The following PCDHGA5 variants were observed in gnomAD, a reference collection of about 807,000 sequenced individuals.
The protein encoded by PCDHGA5 is protocadherin gamma subfamily A, 5, also known as protocadherin gamma-A5.
Under a neutral mutation model 56.7 loss-of-function variants are expected in PCDHGA5, and 36 were observed. The ratio of observed to expected loss-of-function variants is 0.64; its 90% CI spans 0.49 to 0.84. The LOEUF (loss-of-function observed/expected upper bound fraction) is 0.84, where lower values mean the gene tolerates loss of function less well. Among genes scored for constraint, PCDHGA5 ranks in the 40% least tolerant of loss-of-function variants. The pLI is 0.00. For synonymous variants in PCDHGA5, 563 were observed against 520.2 expected, an observed-to-expected ratio of 1.08 and a Z score of -1.12; for missense variants, 1,305 against 1,201.5, an observed-to-expected ratio of 1.09 and a Z score of -1.27.
chr5:141,397,245 G>A (rs2093494919), intron 1 of PCDHGA5, among the ~76,000 whole-genome samples: 1 of 152,148 alleles, frequency 6.6e-6, no homozygotes, highest in African/African-American at 2.4e-5. Flanking sequence ...CAACGTAGTA[G>A]GGTATATCAT....
chr5:141,374,327 G>T (rs766746841), intron 1 of PCDHGA5: 3 of 1,613,866 alleles, frequency 1.9e-6, no homozygotes, highest in Non-Finnish European at 2.5e-6. Context: ...TCCGCGAAAC[G>T]GCAGCTTGGT....
At position 141,490,207 on chromosome 5, in the gene PCDHGA5, C is replaced by T. The variant is rs142098675; in HGVS notation, c.2422-4600C>T. On this transcript the variant is annotated intron_variant, in intron 1 of 3. Transcript: ENST00000518069. This position sits in a 1 kb window ranked among gnomAD's most constrained non-coding sequence, Gnocchi z 5.4. ...TTTCTATGAAATTCATGCAAGAGCC[C>T]GTGACCAGGGACAGCCTGCCATGGA... 41 of 1,614,056 alleles carry T rather than the reference C, an allele frequency of 2.5e-5. No homozygotes were observed. The highest frequency in any genetic ancestry group is 3.3e-4 in the Middle Eastern group (2 of 6,084).
intron 1 of PCDHGA5, among the ~76,000 whole-genome samples, chr5:141,430,101 G>C (rs918427744): frequency 6.6e-6 from 1 of 152,036 alleles, no homozygotes; most frequent in African/African-American, 2.4e-5. Context: ...ATTTTTAAGC[G>C]TTACATGTCA....
chr5:141,472,068 G>C (rs1050927364), intron 1 of PCDHGA5, among the ~76,000 whole-genome samples: 7 of 151,974 alleles, frequency 4.6e-5, no homozygotes, highest in Non-Finnish European at 8.8e-5. Context: ...CATGTCTGTG[G>C]TTATATCAAT....
chr5:141,495,032 G>T, intron 2 of PCDHGA5, 167 bp downstream of exon 2: 1 of 967,732 alleles, frequency 1.0e-6, no homozygotes, highest in Non-Finnish European at 1.2e-6. Flanking sequence ...GACCCCGGAA[G>T]GAAGAGGCGA....
At chr5:141,415,810 T>TATATATC in intron 1 of PCDHGA5, 1 of 1,360,418 alleles carries the variant, frequency 7.4e-7, no homozygotes, top group Non-Finnish European at 9.5e-7. Flanking sequence ...AATCAAGGCC[T>TATATATC]ATATATCATA....
At chr5:141,510,910 A>T (rs780792326) in intron 3 of PCDHGA5, 37 bp from the exon 4 acceptor site, 1 of 1,613,740 alleles carries the variant, frequency 6.2e-7, no homozygotes, top group East Asian at 2.2e-5. Flanking sequence ...GAGGACCCTA[A>T]GTTTAGCTCC....
chr5:141,364,487 G>T lies in PCDHGA5; in HGVS notation c.157G>T (p.Gly53Trp). ...SFVGNIAKDL[G>W]LEPQELAERG... ...CGTCGGCAACATAGCCAAGGACCTT[G>T]GGCTGGAGCCCCAGGAGCTGGCGGA... The change falls in exon 1 of 4, where the codon GGG becomes TGG. Residue 53 changes from glycine to tryptophan, a missense_variant. Coordinates refer to ENST00000518069, the MANE Select transcript of PCDHGA5 (RefSeq NM_018918.3). 6.2e-7 allele frequency: 1 copy of T among 1,614,032 alleles called. No homozygotes were observed. Among genetic ancestry groups the T allele is most frequent in the Non-Finnish European group, 8.5e-7 (1 of 1,179,906 alleles).
chr5:141,392,929 C>T (rs1474626800), intron 1 of PCDHGA5: 6 of 1,613,770 alleles, frequency 3.7e-6, no homozygotes, highest in Non-Finnish European at 5.1e-6. Flanking sequence ...CCAGAAGAGA[C>T]GGACAAAGGC....
chr5:141,423,551 A>T, intron 1 of PCDHGA5: 2 of 1,613,616 alleles, frequency 1.2e-6, no homozygotes, highest in Non-Finnish European at 1.7e-6. Context: ...CCCCAGCCCA[A>T]CTATGGGGAC....
intron 1 of PCDHGA5, among the ~76,000 whole-genome samples, chr5:141,467,109 A>G (rs1431550069): frequency 2.0e-5 from 3 of 150,594 alleles, no homozygotes; most frequent in African/African-American, 4.9e-5. Context: ...CTGGAGTACA[A>G]TGGTGCAATC....
chr5:141,407,807 T>C (rs916388568), intron 1 of PCDHGA5, among the ~76,000 whole-genome samples: 1 of 152,202 alleles, frequency 6.6e-6, no homozygotes, highest in African/African-American at 2.4e-5. Flanking sequence ...CATAGAAATA[T>C]CTACTATAAT....
At chr5:141,395,207 T>C (rs1589256269) in intron 1 of PCDHGA5, 6 of 1,613,702 alleles carry the variant, frequency 3.7e-6, no homozygotes, top group Non-Finnish European at 5.1e-6. Context: ...TAGATTTTCA[T>C]GAATATAAGA....
intron 1 of PCDHGA5, among the ~76,000 whole-genome samples, chr5:141,435,099 TA>T (rs892317840): frequency 2.0e-5 from 3 of 152,260 alleles, no homozygotes; most frequent in African/African-American, 7.2e-5. Context: ...TCTGTTTATC[TA>T]GGGGGGAGAA....
At chr5:141,502,134 C>T (rs566073996) in intron 2 of PCDHGA5, among the ~76,000 whole-genome samples, 10 of 152,288 alleles carry the variant, frequency 6.6e-5, no homozygotes, top group African/African-American at 2.2e-4. Flanking sequence ...AGAGCTCAGT[C>T]GGGCCGGAAG....
rs2092149511 is a variant in PCDHGA5 at position 141,390,449 on chromosome 5, G to A, written c.2421+23698G>A. The A allele has an allele frequency of 4.8e-6, 4 of 829,790 alleles. No individual in the cohort carries two copies. In the Admixed American group the frequency reaches 8.7e-5, roughly 18 times the overall value. 51.4% of individuals were successfully genotyped at this position (829,790 alleles called of 1,614,324 possible). ...TGTCATATCATTCTACAAAGGAGGAGTAAAGTAGGAGCAATTGTGTGGCCC... is the reference window on the plus strand; with the variant it reads ...TGTCATATCATTCTACAAAGGAGGAATAAAGTAGGAGCAATTGTGTGGCCC... On this transcript the variant is annotated intron_variant, in intron 1 of 3. Coordinates refer to ENST00000518069, the MANE Select transcript of PCDHGA5 (RefSeq NM_018918.3).
intron 1 of PCDHGA5, among the ~76,000 whole-genome samples, chr5:141,400,819 C>T (rs1316119038): frequency 6.6e-6 from 1 of 152,132 alleles, no homozygotes; most frequent in Non-Finnish European, 1.5e-5. Context: ...TTTACCTATT[C>T]GTTGTCTCAT....
At chr5:141,374,689 G>T in intron 1 of PCDHGA5, 2 of 1,609,578 alleles carry the variant, frequency 1.2e-6, no homozygotes, top group East Asian at 4.5e-5. Flanking sequence ...CACTGGACCG[G>T]GAAGGAGAAG....
intron 1 of PCDHGA5, among the ~76,000 whole-genome samples, chr5:141,373,507 A>T (rs1769637375): frequency 6.6e-6 from 1 of 152,236 alleles, no homozygotes; most frequent in Non-Finnish European, 1.5e-5. Flanking sequence ...TGGGAGACAG[A>T]GCGAGACTTT....
Sources: gnomAD v4.1 joint callset for allele counts (sites outside exome capture counted in the v4.1 genomes callset) on GRCh38, gnomAD v4.1.1 for gene constraint, Gnocchi (gnomAD v3.1) non-coding constraint, MANE v1.5 for transcripts, NCBI Gene and HGNC (gene_info 2026-07-23, HGNC 2026-07-21) for gene names.